Variants in ARMH3 observed in about 807,000 individuals in gnomAD.
The protein encoded by ARMH3 is armadillo like helical domain containing 3, also known as armadillo-like helical domain-containing protein 3.
Under a neutral mutation model 99.1 loss-of-function variants are expected in ARMH3, and 60 were observed. That is an observed-to-expected ratio of 0.61 (90% CI 0.49 to 0.75). The LOEUF (loss-of-function observed/expected upper bound fraction) is 0.75. ARMH3 is among the 30% of genes least tolerant of loss of function. ARMH3 has a pLI of 0.00. For missense variants in ARMH3, 679 were observed against 843.1 expected (o/e 0.81, Z 2.41); for synonymous variants, 285 against 292.8 (o/e 0.97, Z 0.27).
chr10:101,887,578 T>TTCTC (rs1254033837), intron 24 of ARMH3, among the ~76,000 whole-genome samples: 1 of 147,852 alleles, frequency 6.8e-6, no homozygotes, highest in African/African-American at 2.5e-5. Context: ...TAATTTTTCT[T>TTCTC]TCTCTCTCTC....
chr10:101,845,741 G>T lies in ARMH3; in HGVS notation c.*1787C>A, dbSNP rs2066454524. On this transcript the variant is annotated 3_prime_UTR_variant, in exon 26 of 26. Coordinates refer to ENST00000370033, the MANE Select transcript of ARMH3 (RefSeq NM_024541.3). ...CCAGTGATCAGATGACCCAGCCTGTGATCTCTTAAGAACCTACATCTACAC... is the reference window on the plus strand; with the variant it reads ...CCAGTGATCAGATGACCCAGCCTGTTATCTCTTAAGAACCTACATCTACAC... 1 of 152,196 alleles carries T rather than the reference G, an allele frequency of 6.6e-6. No homozygotes were observed. The highest frequency in any genetic ancestry group is 2.1e-4 in the South Asian group (1 of 4,816). 9.4% of individuals were successfully genotyped at this position (152,196 alleles called of 1,614,324 possible).
intron 24 of ARMH3, among the ~76,000 whole-genome samples, chr10:101,887,627 T>C (rs1291163370): frequency 7.1e-6 from 1 of 140,124 alleles, no homozygotes; most frequent in Non-Finnish European, 1.5e-5. Context: ...TAGAGACAGC[T>C]TCACCATGTG....
chr10:102,040,205 G>T, intron 1 of ARMH3, 80 bp from the exon 2 acceptor site: 1 of 1,211,226 alleles, frequency 8.3e-7, no homozygotes, highest in Non-Finnish European at 1.2e-6. Context: ...TCATACATTT[G>T]TCCAAGCCCA....
chr10:101,848,515 C>T (rs2066512160), intron 25 of ARMH3, among the ~76,000 whole-genome samples: 1 of 152,108 alleles, frequency 6.6e-6, no homozygotes, highest in Non-Finnish European at 1.5e-5. Flanking sequence ...AGTGTGTCTG[C>T]CCTGGGCCCC....
intron 8 of ARMH3, among the ~76,000 whole-genome samples, chr10:102,018,362 A>G (rs947424461): frequency 5.9e-5 from 9 of 152,180 alleles, no homozygotes; most frequent in African/African-American, 2.2e-4. Flanking sequence ...TGAATAAGGC[A>G]CTGTCTTCAA....
At chr10:101,954,169 G>A (rs1277363028) in intron 22 of ARMH3, among the ~76,000 whole-genome samples, 3 of 152,114 alleles carry the variant, frequency 2.0e-5, no homozygotes, top group South Asian at 2.1e-4. Context: ...TCCACCATGG[G>A]TGAAAGAGAA....
At chr10:101,890,789 C>G (rs186420668) in intron 23 of ARMH3, among the ~76,000 whole-genome samples, 1 of 151,962 alleles carries the variant, frequency 6.6e-6, no homozygotes, top group East Asian at 1.9e-4. Context: ...TTGGTATGAT[C>G]TGATGAGAAG....
At position 101,947,370 on chromosome 10, in the gene ARMH3, C is replaced by T. The variant is rs575020551; in HGVS notation, c.1706-7432G>A. Among the ~76,000 whole-genome samples the T allele has an allele frequency of 5.9e-5, 9 of 151,916 alleles. 1 individual carries two copies. In the South Asian group the frequency reaches 1.7e-3, roughly 28 times the overall value. On this transcript the variant is annotated intron_variant, in intron 22 of 25. Transcript: ENST00000370033. ...CTATATCCAGCTGGGTGCAGTGGCT[C>T]ACACCTGTAATCCCAGCTACTCAGG...
At chr10:102,022,964 A>G (rs1452746444) in intron 8 of ARMH3, among the ~76,000 whole-genome samples, 3 of 151,910 alleles carry the variant, frequency 2.0e-5, no homozygotes, top group Admixed American at 6.5e-5. Context: ...CAAGGTGGGC[A>G]GATCACCTGA....
At chr10:102,003,316 C>A (rs1361255163) in intron 14 of ARMH3, among the ~76,000 whole-genome samples, 2 of 152,100 alleles carry the variant, frequency 1.3e-5, no homozygotes, top group Non-Finnish European at 2.9e-5. Context: ...GCACCCACCA[C>A]CATGCCCAGC....
chr10:101,914,689 A>C (rs1276022966), intron 23 of ARMH3, among the ~76,000 whole-genome samples: 1 of 151,112 alleles, frequency 6.6e-6, no homozygotes, highest in Non-Finnish European at 1.5e-5. Flanking sequence ...AACATGGTGA[A>C]ACCCCGTCTC....
At chr10:101,969,153 C>T (rs567131076) in intron 20 of ARMH3, among the ~76,000 whole-genome samples, 3 of 152,172 alleles carry the variant, frequency 2.0e-5, no homozygotes, top group South Asian at 2.1e-4. Context: ...TGTTCTTTCC[C>T]GCCTGGATAC....
chr10:101,997,932 C>A (rs1429860443), intron 15 of ARMH3, among the ~76,000 whole-genome samples: 1 of 152,098 alleles, frequency 6.6e-6, no homozygotes, highest in African/African-American at 2.4e-5. Context: ...TTAGCCAAGG[C>A]ATGCAGCAGG....
At chr10:101,876,476 C>T (rs1396531529) in intron 24 of ARMH3, among the ~76,000 whole-genome samples, 2 of 152,094 alleles carry the variant, frequency 1.3e-5, no homozygotes, top group Non-Finnish European at 2.9e-5. Context: ...TTTATCTATC[C>T]CTCCCAAACA....
intron 23 of ARMH3, among the ~76,000 whole-genome samples, chr10:101,936,397 C>A (rs1843976401): frequency 6.7e-6 from 1 of 150,024 alleles, no homozygotes; most frequent in Non-Finnish European, 1.5e-5. Flanking sequence ...GAGGCTGAGG[C>A]AGCAGAATCA....
At chr10:101,917,721 T>C (rs1843143912) in intron 23 of ARMH3, among the ~76,000 whole-genome samples, 1 of 152,234 alleles carries the variant, frequency 6.6e-6, no homozygotes. Context: ...GTGATGCTTC[T>C]CTTTCTGGTC....
chr10:102,044,483 G>A (rs1212694057), intron 1 of ARMH3, among the ~76,000 whole-genome samples: 1 of 150,910 alleles, frequency 6.6e-6, no homozygotes, highest in Non-Finnish European at 1.5e-5. Context: ...CCATCCTCTC[G>A]CTTCAGCCTC....
chr10:102,049,094 C>T (rs1191313445), intron 1 of ARMH3, among the ~76,000 whole-genome samples: 1 of 152,104 alleles, frequency 6.6e-6, no homozygotes, highest in Non-Finnish European at 1.5e-5. Flanking sequence ...TCACATCCTA[C>T]TGTTCCACAT....
intron 21 of ARMH3, among the ~76,000 whole-genome samples, chr10:101,957,289 A>G (rs1052993786): frequency 6.6e-6 from 1 of 152,258 alleles, no homozygotes; most frequent in African/African-American, 2.4e-5. Context: ...AATGTCCCTC[A>G]GAAACCAAGT....
Sources: allele counts gnomAD v4.1 joint callset (sites outside exome capture counted in the v4.1 genomes callset), GRCh38; gene constraint gnomAD v4.1.1; transcripts MANE v1.5; gene names NCBI Gene and HGNC (gene_info 2026-07-23, HGNC 2026-07-21).